Variants in ELAPOR2 observed in about 807,000 individuals in gnomAD.
ELAPOR2 encodes endosome-lysosome associated apoptosis and autophagy regulator family member 2, also known as endosome/lysosome-associated apoptosis and autophagy regulator family member 2.
Under a neutral mutation model 120.7 loss-of-function variants are expected in ELAPOR2, and 89 were observed. The observed-to-expected ratio is 0.74, with a 90% CI of 0.62 to 0.88. ELAPOR2 has a LOEUF of 0.88. ELAPOR2 is among the 40% of genes least tolerant of loss of function. ELAPOR2 has a pLI of 0.00. For missense variants in ELAPOR2, 1,134 were observed against 1,251.6 expected (o/e 0.91, Z 1.42); for synonymous variants, 444 against 444.9 (o/e 1.00, Z 0.03).
chr7:87,012,800 G>A (rs997078610), intron 1 of ELAPOR2, among the ~76,000 whole-genome samples: 2 of 152,168 alleles, frequency 1.3e-5, no homozygotes, highest in African/African-American at 4.8e-5. Flanking sequence ...TTTGGCAGAA[G>A]GTAGCTTTAA....
chr7:86,989,481 A>G (rs1635029), intron 1 of ELAPOR2, among the ~76,000 whole-genome samples: 57,254 of 151,790 alleles, frequency 0.38, 11,595 homozygotes, highest in African/African-American at 0.53. Flanking sequence ...GACATTTTAA[A>G]GGTAACATTT....
chr7:86,953,679 C>T (rs1791359732), intron 2 of ELAPOR2, among the ~76,000 whole-genome samples: 1 of 152,044 alleles, frequency 6.6e-6, no homozygotes, highest in Non-Finnish European at 1.5e-5. Context: ...CATGAATTTA[C>T]CGTATTTAAT....
chr7:86,986,641 G>A (rs1792750799), intron 1 of ELAPOR2, among the ~76,000 whole-genome samples: 1 of 150,070 alleles, frequency 6.7e-6, no homozygotes, highest in South Asian at 2.1e-4. Flanking sequence ...ACTTACAAGG[G>A]ATGTGAAGGA....
chr7:86,918,191 C>CT (rs1211115074), intron 12 of ELAPOR2, among the ~76,000 whole-genome samples: 1 of 151,780 alleles, frequency 6.6e-6, no homozygotes, highest in Admixed American at 6.6e-5. Context: ...TCCCTGGCCT[C>CT]TATCAGTCAC....
chr7:86,973,395 A>G (rs1305117213), intron 1 of ELAPOR2, among the ~76,000 whole-genome samples: 6 of 152,138 alleles, frequency 3.9e-5, no homozygotes, highest in African/African-American at 1.4e-4. Context: ...TCTGCCCGGA[A>G]GGCTCTTTCT....
intron 8 of ELAPOR2, among the ~76,000 whole-genome samples, chr7:86,928,742 T>G (rs778393320): frequency 2.2e-4 from 33 of 151,976 alleles, no homozygotes; most frequent in Non-Finnish European, 4.3e-4. Context: ...CACATGACTT[T>G]CAATACATGC....
intron 1 of ELAPOR2, among the ~76,000 whole-genome samples, chr7:87,004,174 T>C (rs1477184939): frequency 6.6e-6 from 1 of 152,160 alleles, no homozygotes; most frequent in East Asian, 1.9e-4. Flanking sequence ...TAAGTAAAAT[T>C]GTTTCTCACA....
At chr7:87,012,832 G>C (rs142800970) in intron 1 of ELAPOR2, among the ~76,000 whole-genome samples, 1 of 152,278 alleles carries the variant, frequency 6.6e-6, no homozygotes, top group Non-Finnish European at 1.5e-5. Flanking sequence ...TTCTAGAAGA[G>C]AAGAAAGTTC....
intron 21 of ELAPOR2, among the ~76,000 whole-genome samples, chr7:86,884,110 T>C (rs1463248936): frequency 6.6e-6 from 1 of 152,214 alleles, no homozygotes. Context: ...TTCTGTACTA[T>C]TTCAAAATTT....
At chr7:86,985,673 A>AT (rs576684302) in intron 1 of ELAPOR2, among the ~76,000 whole-genome samples, 1 of 152,000 alleles carries the variant, frequency 6.6e-6, no homozygotes, top group South Asian at 2.1e-4. Flanking sequence ...TACACTAGGT[A>AT]TTTTTTTTAA....
chr7:87,002,842 A>G (rs777212183), intron 1 of ELAPOR2, among the ~76,000 whole-genome samples: 71 of 152,120 alleles, frequency 4.7e-4, no homozygotes, highest in Non-Finnish European at 8.8e-5. Context: ...AGCATGGGAC[A>G]CTTCTGTGAG....
intron 1 of ELAPOR2, among the ~76,000 whole-genome samples, chr7:86,987,330 G>A (rs972291072): frequency 6.6e-6 from 1 of 152,090 alleles, no homozygotes; most frequent in African/African-American, 2.4e-5. Flanking sequence ...AGCAACAAAA[G>A]CCAAAATAGA....
At chr7:86,969,393 A>G (rs1792029348) in intron 1 of ELAPOR2, among the ~76,000 whole-genome samples, 1 of 152,202 alleles carries the variant, frequency 6.6e-6, no homozygotes, top group Non-Finnish European at 1.5e-5. Flanking sequence ...ATATGTATAT[A>G]TGTTGACACA....
At chr7:86,951,395 T>TA (rs1255811739) in intron 2 of ELAPOR2, among the ~76,000 whole-genome samples, 17 of 152,314 alleles carry the variant, frequency 1.1e-4, no homozygotes, top group African/African-American at 4.1e-4. Context: ...CTCTAAAATA[T>TA]AAAAAAGAGA....
intron 1 of ELAPOR2, among the ~76,000 whole-genome samples, chr7:86,993,002 C>G (rs1410655657): frequency 6.6e-6 from 1 of 151,928 alleles, no homozygotes; most frequent in Non-Finnish European, 1.5e-5. Flanking sequence ...CTTTGGGAGG[C>G]CGAGGCGGGT....
At chr7:86,977,712 A>G (rs1792327553) in intron 1 of ELAPOR2, among the ~76,000 whole-genome samples, 1 of 152,230 alleles carries the variant, frequency 6.6e-6, no homozygotes, top group African/African-American at 2.4e-5. Context: ...TTTTCTGATT[A>G]CAAAGCAATA....
At chr7:86,909,390 C>G (rs775707510) in intron 16 of ELAPOR2, among the ~76,000 whole-genome samples, 9 of 152,064 alleles carry the variant, frequency 5.9e-5, no homozygotes, top group Non-Finnish European at 1.2e-4. Context: ...GAATCAAACT[C>G]AGCACCCTCA....
intron 1 of ELAPOR2, among the ~76,000 whole-genome samples, chr7:87,022,236 C>G (rs1425597644): frequency 8.5e-6 from 1 of 118,218 alleles, no homozygotes; most frequent in African/African-American, 3.2e-5. Flanking sequence ...CCCCTCCCCC[C>G]ACCCCACAAC....
chr7:86,910,550 C>T (rs1443096968), intron 15 of ELAPOR2, among the ~76,000 whole-genome samples: 2 of 152,078 alleles, frequency 1.3e-5, no homozygotes, highest in African/African-American at 2.4e-5. Flanking sequence ...TATTAACCTA[C>T]TCTTAGTTTC....
Sources: gnomAD v4.1 joint callset for allele counts (sites outside exome capture counted in the v4.1 genomes callset) on GRCh38, gnomAD v4.1.1 for gene constraint, MANE v1.5 for transcripts, NCBI Gene and HGNC (gene_info 2026-07-23, HGNC 2026-07-21) for gene names.